The following GCSH variants were observed in gnomAD, a reference collection of about 807,000 sequenced individuals.
The protein encoded by GCSH is glycine cleavage system protein H, also known as glycine cleavage system H protein, mitochondrial.
Under a neutral mutation model 21.3 loss-of-function variants are expected in GCSH, and 15 were observed. That is an observed-to-expected ratio of 0.70 (90% CI 0.47 to 1.08). The LOEUF (loss-of-function observed/expected upper bound fraction) is 1.08, where lower values mean the gene tolerates loss of function less well. Ranked by LOEUF, GCSH falls within the 50% of genes least tolerant of loss-of-function variation. GCSH has a pLI of 0.00. For missense variants in GCSH, 179 were observed against 217.5 expected, an observed-to-expected ratio of 0.82 and a Z score of 1.11; for synonymous variants, 59 against 84.5, an observed-to-expected ratio of 0.70 and a Z score of 1.66.
In GCSH at chr16:81,084,562, C is replaced by G; in HGVS notation, c.325G>C (p.Ala109Pro). 1 of 1,604,640 alleles carries G rather than the reference C, an allele frequency of 6.2e-7. No individual in the cohort carries two copies. Among genetic ancestry groups the G allele is most frequent in the Middle Eastern group, 1.7e-4 (1 of 6,042 alleles). ...EFGALESVKA[A>P]SELYSPLSGE... ...GATAAAGGAGAATAGAGTTCACTAG[C>G]AGCTTTCACACTTTCCAAAGCACCA... is the stretch of plus-strand genomic sequence containing the variant. Residue 109 changes from alanine (A) to proline (P), a missense_variant, in exon 4 of 5, where the codon GCT becomes CCT. Coordinates refer to ENST00000315467, the MANE Select transcript of GCSH (RefSeq NM_004483.5).
chr16:81,082,793 C>CTA lies in GCSH; in HGVS notation c.*71_*72dup, dbSNP rs1442682646. ...ACTAAAAGTTTCTATTCTAAGTCTT[C>CTA]TATCCACCACTAATTTAAGACAACT... On this transcript the variant is annotated 3_prime_UTR_variant, in exon 5 of 5. Coordinates refer to ENST00000315467, the MANE Select transcript of GCSH (RefSeq NM_004483.5). 1.3e-6 allele frequency: 1 copy of CTA among 767,346 alleles called. No individual in the cohort carries two copies. Among genetic ancestry groups the CTA allele is most frequent in the Non-Finnish European group, 2.3e-6 (1 of 425,604 alleles). The allele number at this position is 767,346 out of a possible 1,614,324, so 47.5% of individuals were successfully genotyped here.
rs530492885 is a variant in GCSH, at chr16:81,093,614, G to A, written c.148+2517C>T. Among the ~76,000 whole-genome samples, 6 of 152,192 alleles carry A rather than the reference G, an allele frequency of 3.9e-5. No homozygotes were observed. The South Asian group carries it at 1.0e-3, about 26-fold the overall frequency. ...CCAGCACTTTGGGAGGCCGAGGCAGGCAGATCACCTGAGATCAGGAGTTCA... is the reference window on the plus strand; with the variant it reads ...CCAGCACTTTGGGAGGCCGAGGCAGACAGATCACCTGAGATCAGGAGTTCA... On this transcript the variant is annotated intron_variant, in intron 1 of 4. Transcript: ENST00000315467.
In GCSH at chr16:81,092,294, T is replaced by C. The variant is rs138391619; in HGVS notation, c.149-1614A>G. Among the ~76,000 whole-genome samples the C allele has an allele frequency of 2.8e-3, 422 of 149,726 alleles. 6 individuals are homozygous for C. The highest frequency in any genetic ancestry group is 9.6e-3 in the African/African-American group (393 of 40,964). Reference sequence around the variant, plus strand: ...GGTGCTGAACATACTAGAGATCATCTGTCAGTCTCCCCAGGAAGTAGGCTG... The same window carrying C: ...GGTGCTGAACATACTAGAGATCATCCGTCAGTCTCCCCAGGAAGTAGGCTG... On this transcript the variant is annotated intron_variant, in intron 1 of 4. Transcript: ENST00000315467.
At chr16:81,094,321 A>C (rs1437035721) in intron 1 of GCSH, among the ~76,000 whole-genome samples, 1 of 152,130 alleles carries the variant, frequency 6.6e-6, no homozygotes, top group South Asian at 2.1e-4. Flanking sequence ...CAGATAAAAT[A>C]TTTTATATTA....
rs1206227289 is a variant in GCSH, at chr16:81,096,212, C to A, written c.67G>T (p.Ala23Ser). The change falls in exon 1 of 5, where the codon GCC (alanine) becomes TCC (serine). Residue 23 changes from alanine to serine, a missense_variant. By Grantham distance (99) the Ala-to-Ser change is moderately conservative. Coordinates refer to ENST00000315467, the MANE Select transcript of GCSH (RefSeq NM_004483.5). Reference sequence around the variant, plus strand: ...CAGGGCCTCGGCGGGCAGGGCGCGGCGGGTGACGGGACCGCGCGCAGGGTG... The same window carrying A: ...CAGGGCCTCGGCGGGCAGGGCGCGGAGGGTGACGGGACCGCGCGCAGGGTG... ...LCTLRAVPSP[A>S]APCPPRPWQL... The A allele has an allele frequency of 1.4e-5, 19 of 1,316,876 alleles. No homozygotes were observed. Among genetic ancestry groups the A allele is most frequent in the Admixed American group, 4.1e-5 (1 of 24,364 alleles). 81.6% of individuals were successfully genotyped at this position (1,316,876 alleles called of 1,614,324 possible).
chr16:81,092,776 G>A (rs1271110312), intron 1 of GCSH, among the ~76,000 whole-genome samples: 1 of 151,910 alleles, frequency 6.6e-6, no homozygotes, highest in Non-Finnish European at 1.5e-5. Context: ...CCTGGGCGTG[G>A]TGGCTCATGC....
At chr16:81,094,492 G>A (rs1597171373) in intron 1 of GCSH, among the ~76,000 whole-genome samples, 5 of 150,850 alleles carry the variant, frequency 3.3e-5, no homozygotes, top group South Asian at 4.2e-4. Context: ...GCGACAGAGC[G>A]AGACTCCATC....
At chr16:81,090,145 T>C (rs7196170) in intron 2 of GCSH, among the ~76,000 whole-genome samples, 146,094 of 151,390 alleles carry the variant, frequency 0.97, 70,696 homozygotes, top group Middle Eastern at 1. Flanking sequence ...GGCTAGAGTG[T>C]AGTGGTGCAA....
rs990775742 is a variant in GCSH at position 81,090,632 on chromosome 16, A to G, written c.197T>C (p.Ile66Thr). 52 of 1,612,280 alleles carry G rather than the reference A, an allele frequency of 3.2e-5. No individual in the cohort carries two copies. The highest frequency in any genetic ancestry group is 3.3e-5 in the Non-Finnish European group (39 of 1,178,554). Residue 66 changes from isoleucine (I) to threonine (T), a missense_variant, in exon 2 of 5, where the codon ATT becomes ACT. Coordinates refer to ENST00000315467, the MANE Select transcript of GCSH (RefSeq NM_004483.5). ...AAAATTGCTGATTCCCACTGTTCCAATGCCATTTTCTGTTGTTACCCATTC... is the reference window on the plus strand; with the variant it reads ...AAAATTGCTGATTCCCACTGTTCCAGTGCCATTTTCTGTTGTTACCCATTC... ...KHEWVTTENGIGTVGISNFAQ... is the reference protein window; with the variant it reads ...KHEWVTTENGTGTVGISNFAQ...
At chr16:81,083,328 GCCAAC>G (rs1972208182) in intron 4 of GCSH, 1 of 274,182 alleles carries the variant, frequency 3.6e-6, no homozygotes, top group Admixed American at 5.0e-5. Flanking sequence ...GACCAGCCTG[GCCAAC>G]ATAGTGGAAC....
intron 3 of GCSH, 70 bp downstream of exon 3, chr16:81,087,531 C>G: frequency 9.2e-7 from 1 of 1,090,938 alleles, no homozygotes; most frequent in Non-Finnish European, 1.4e-6. Flanking sequence ...ATCCAGGGTA[C>G]AAACAAATTA....
At chr16:81,095,461 C>A (rs891476510) in intron 1 of GCSH, among the ~76,000 whole-genome samples, 6 of 150,720 alleles carry the variant, frequency 4.0e-5, no homozygotes, top group Non-Finnish European at 7.4e-5. Flanking sequence ...CGGCTCACTG[C>A]AACCTCTGCC....
At chr16:81,083,080 A>G in intron 4 of GCSH, 117 bp from the exon 5 acceptor site, 3 of 763,266 alleles carry the variant, frequency 3.9e-6, no homozygotes, top group Non-Finnish European at 7.3e-6. Context: ...AAAACCATAC[A>G]TTATTTGTTC....
At chr16:81,088,404 T>C (rs1171760378) in intron 2 of GCSH, among the ~76,000 whole-genome samples, 1 of 152,124 alleles carries the variant, frequency 6.6e-6, no homozygotes, top group Non-Finnish European at 1.5e-5. Context: ...GCTCTTTGTT[T>C]TATTTGGTTT....
intron 4 of GCSH, 87 bp downstream of exon 4, chr16:81,084,376 G>A (rs935962073): frequency 4.9e-6 from 5 of 1,016,074 alleles, no homozygotes; most frequent in Admixed American, 1.7e-5. Context: ...AAAAGATGAA[G>A]TCACAATCAG....
At chr16:81,095,792 C>A (rs1005542174) in intron 1 of GCSH, among the ~76,000 whole-genome samples, 1 of 152,124 alleles carries the variant, frequency 6.6e-6, no homozygotes, top group Non-Finnish European at 1.5e-5. Flanking sequence ...TTAAGGCCAC[C>A]GAGACGCTTA....
At chr16:81,090,514 A>C in intron 2 of GCSH, 87 bp downstream of exon 2, 2 of 923,514 alleles carry the variant, frequency 2.2e-6, no homozygotes, top group South Asian at 1.3e-5. Flanking sequence ...GAGCCACCTC[A>C]CGCAGCCTAA....
chr16:81,094,796 G>A (rs936700036), intron 1 of GCSH, among the ~76,000 whole-genome samples: 1 of 152,088 alleles, frequency 6.6e-6, no homozygotes, highest in African/African-American at 2.4e-5. Flanking sequence ...TCAAACATTT[G>A]GGCGTAAAGA....
intron 2 of GCSH, 64 bp from the exon 3 acceptor site, chr16:81,087,728 G>T: frequency 9.1e-7 from 1 of 1,104,242 alleles, no homozygotes; most frequent in Non-Finnish European, 1.4e-6. Context: ...CCAGTAAACA[G>T]AATAAGCCAA....
Sources: allele counts gnomAD v4.1 joint callset (sites outside exome capture counted in the v4.1 genomes callset), GRCh38; gene constraint gnomAD v4.1.1; transcripts MANE v1.5; gene names NCBI Gene and HGNC (gene_info 2026-07-23, HGNC 2026-07-21).